DPP10: variants seen among roughly 807,000 people sequenced by gnomAD.
DPP10 encodes the protein inactive dipeptidyl peptidase 10.
In DPP10, 33 loss-of-function variants were observed where a neutral mutation model predicts 120.9. The ratio of observed to expected loss-of-function variants is 0.27; its 90% confidence interval spans 0.21 to 0.37. DPP10 has a LOEUF of 0.37. Among genes scored for constraint, DPP10 ranks in the 10% least tolerant of loss-of-function variants. The probability of loss-of-function intolerance (pLI) is 1.00; values close to 1 mark genes in which losing one functional copy is unlikely to be tolerated. For missense variants in DPP10, 816 were observed against 942.8 expected, an observed-to-expected ratio of 0.87 and a Z score of 1.76; for synonymous variants, 337 against 326.1, an observed-to-expected ratio of 1.03 and a Z score of -0.36.
At chr2:114,488,487 C>T (rs1187482101) in intron 1 of DPP10, among the ~76,000 whole-genome samples, 1 of 152,076 alleles carries the variant, frequency 6.6e-6, no homozygotes, top group Admixed American at 6.6e-5. Context: ...TAATAGTAAT[C>T]CATGAAAATA....
intron 3 of DPP10, among the ~76,000 whole-genome samples, chr2:115,464,007 C>T (rs1458652374): frequency 1.3e-5 from 2 of 152,116 alleles, no homozygotes; most frequent in African/African-American, 4.8e-5. Context: ...TGGTGGTCCT[C>T]TCTTGCCTAC....
intron 1 of DPP10, among the ~76,000 whole-genome samples, chr2:114,908,298 C>T (rs1694122717): frequency 6.6e-6 from 1 of 151,950 alleles, no homozygotes; most frequent in African/African-American, 2.4e-5. Flanking sequence ...AATCCATTCA[C>T]ATTTAATGTT....
At chr2:114,588,999 T>C (rs1691228737) in intron 1 of DPP10, among the ~76,000 whole-genome samples, 1 of 135,064 alleles carries the variant, frequency 7.4e-6, no homozygotes, top group Non-Finnish European at 1.5e-5. Flanking sequence ...AAGTTAGATA[T>C]ACAATTATGC....
At chr2:114,498,913 G>A (rs1276053244) in intron 1 of DPP10, among the ~76,000 whole-genome samples, 1 of 152,156 alleles carries the variant, frequency 6.6e-6, no homozygotes, top group Non-Finnish European at 1.5e-5. Flanking sequence ...GTCCATCAAT[G>A]GATGAATGGA....
chr2:115,013,956 A>G (rs1006142415), intron 1 of DPP10, among the ~76,000 whole-genome samples: 4 of 152,172 alleles, frequency 2.6e-5, no homozygotes, highest in African/African-American at 9.7e-5. Flanking sequence ...ATTAACAAGC[A>G]TATTCAGGAC....
At chr2:115,313,479 T>C (rs560866948) in intron 2 of DPP10, among the ~76,000 whole-genome samples, 1 of 152,314 alleles carries the variant, frequency 6.6e-6, no homozygotes, top group East Asian at 1.9e-4. Flanking sequence ...GTGGGCTCTT[T>C]CACTAAGATT....
intron 3 of DPP10, among the ~76,000 whole-genome samples, chr2:115,450,291 G>A (rs2104959704): frequency 6.6e-6 from 1 of 151,956 alleles, no homozygotes; most frequent in Middle Eastern, 3.4e-3. Flanking sequence ...TCACTGCCTG[G>A]AAAAAGATAA....
At chr2:114,580,924 T>G (rs1184895689) in intron 1 of DPP10, among the ~76,000 whole-genome samples, 1 of 152,082 alleles carries the variant, frequency 6.6e-6, no homozygotes, top group East Asian at 1.9e-4. Flanking sequence ...CATGCTTTGC[T>G]TTGCCTCTTT....
intron 1 of DPP10, among the ~76,000 whole-genome samples, chr2:114,986,645 A>T (rs572767060): frequency 6.6e-6 from 1 of 152,360 alleles, no homozygotes; most frequent in Admixed American, 6.5e-5. Context: ...TTTAATAACA[A>T]AAAGGGAAAC....
intron 2 of DPP10, among the ~76,000 whole-genome samples, chr2:115,335,625 A>C (rs2063079379): frequency 6.6e-6 from 1 of 152,160 alleles, no homozygotes; most frequent in Admixed American, 6.6e-5. Flanking sequence ...TAGAGAATGC[A>C]CAAAGCAATG....
intron 1 of DPP10, among the ~76,000 whole-genome samples, chr2:115,081,983 C>A (rs932477073): frequency 6.6e-5 from 10 of 152,186 alleles, no homozygotes; most frequent in African/African-American, 2.2e-4. Flanking sequence ...CGCTTTTGTA[C>A]CAAGATAAAT....
chr2:115,356,285 A>G (rs569189867), intron 3 of DPP10, among the ~76,000 whole-genome samples: 7 of 151,970 alleles, frequency 4.6e-5, no homozygotes, highest in Non-Finnish European at 5.9e-5. Context: ...CTAGTTAGCT[A>G]TATTCCTAGG....
chr2:114,689,152 T>G (rs1699571388), intron 1 of DPP10, among the ~76,000 whole-genome samples: 1 of 151,808 alleles, frequency 6.6e-6, no homozygotes. Context: ...TGTGCCATGG[T>G]GTCTTGCTGC....
chr2:115,523,022 G>A (rs1288416433), intron 4 of DPP10, among the ~76,000 whole-genome samples: 1 of 152,028 alleles, frequency 6.6e-6, no homozygotes, highest in Non-Finnish European at 1.5e-5. Flanking sequence ...ACATCTTCTG[G>A]CGTGTTGACT....
chr2:115,219,007 C>T (rs895341180), intron 1 of DPP10, among the ~76,000 whole-genome samples: 1 of 152,082 alleles, frequency 6.6e-6, no homozygotes, highest in African/African-American at 2.4e-5. Flanking sequence ...TTACACCCTA[C>T]AACTTTTGTT....
Position 115,372,330 on chromosome 2 carries a change from CTGTT to C in DPP10, c.271+28421_271+28424del, listed in dbSNP as rs954884380. On this transcript the variant is annotated intron_variant, in intron 3 of 25. Coordinates refer to ENST00000410059, the MANE Select transcript of DPP10 (RefSeq NM_020868.6). ...GATTTTTTTCTTTTTAATTGCAAGT[CTGTT>C]TGGCTATTTCTTTGGCTTCTGAGCA... 7.9e-5 allele frequency among the ~76,000 whole-genome samples: 12 copies of C among 152,042 alleles called. No individual in the cohort carries two copies. In the South Asian group the frequency reaches 8.3e-4, roughly 11 times the overall value.
chr2:115,378,107 G>A (rs1010961243), intron 3 of DPP10, among the ~76,000 whole-genome samples: 8 of 152,140 alleles, frequency 5.3e-5, no homozygotes, highest in Non-Finnish European at 1.0e-4. Flanking sequence ...TTGGTAGCTT[G>A]ATGGGGATGG....
intron 12 of DPP10, among the ~76,000 whole-genome samples, chr2:115,766,310 G>GTGTGTGTGTGTATATA (rs1371625141): frequency 3.2e-4 from 26 of 81,730 alleles, no homozygotes; most frequent in Non-Finnish European, 5.7e-4. Context: ...GTGTGTGTGT[G>GTGTGTGTGTGTATATA]TATATATATA....
chr2:115,236,915 A>T (rs1222346089), intron 1 of DPP10, among the ~76,000 whole-genome samples: 1 of 152,188 alleles, frequency 6.6e-6, no homozygotes, highest in African/African-American at 2.4e-5. Context: ...GGGGCATTAC[A>T]TTTACGGCCT....
Sources: gnomAD v4.1 joint callset for allele counts (sites outside exome capture counted in the v4.1 genomes callset) on GRCh38, gnomAD v4.1.1 for gene constraint, MANE v1.5 for transcripts, NCBI Gene and HGNC (gene_info 2026-07-23, HGNC 2026-07-21) for gene names.